Variants in ZFHX4 observed in about 807,000 individuals in gnomAD.
ZFHX4 encodes zinc finger homeobox 4.
ZFHX4 carries 56 observed loss-of-function variants against 267.6 expected under a neutral mutation model. The ratio of observed to expected loss-of-function variants is 0.21; its 90% CI spans 0.17 to 0.26. The LOEUF (loss-of-function observed/expected upper bound fraction) is 0.26. ZFHX4 is among the 10% of genes least tolerant of loss of function. ZFHX4 has a pLI of 1.00. For synonymous variants in ZFHX4, 1,778 were observed against 1,665.6 expected, an observed-to-expected ratio of 1.07 and a Z score of -1.64; for missense variants, 4,332 against 4,420.0, an observed-to-expected ratio of 0.98 and a Z score of 0.56.
At chr8:76,797,157 T>C (rs1318007347) in intron 4 of ZFHX4, among the ~76,000 whole-genome samples, 2 of 152,192 alleles carry the variant, frequency 1.3e-5, no homozygotes, top group Non-Finnish European at 2.9e-5. Flanking sequence ...TGGCTTGTTC[T>C]AGGAGTAGTA....
chr8:76,838,712 G>A (rs905884116), intron 5 of ZFHX4, among the ~76,000 whole-genome samples: 16 of 152,038 alleles, frequency 1.1e-4, no homozygotes, highest in Non-Finnish European at 1.6e-4. Context: ...AAATGCTTTC[G>A]TAGCAGACTT....
chr8:76,731,997 A>G (rs1017447092), intron 3 of ZFHX4, among the ~76,000 whole-genome samples: 3 of 151,662 alleles, frequency 2.0e-5, no homozygotes, highest in African/African-American at 7.3e-5. Flanking sequence ...GTGTGCCTCC[A>G]CACTCCGCTA....
intron 3 of ZFHX4, among the ~76,000 whole-genome samples, chr8:76,766,331 C>T (rs1810049811): frequency 6.6e-6 from 1 of 152,054 alleles, no homozygotes; most frequent in Non-Finnish European, 1.5e-5. Context: ...TAGGTGGTTG[C>T]TGAGAGCCTA....
chr8:76,851,031 C>A lies in ZFHX4; in HGVS notation c.4110C>A (p.Ile1370=). 6.2e-7 allele frequency: 1 copy of A among 1,613,906 alleles called. No individual in the cohort carries two copies. The highest frequency in any genetic ancestry group is 2.2e-5 in the East Asian group (1 of 44,856). The change falls in exon 10 of 11, where the codon ATC becomes ATA. Residue 1370 remains isoleucine, a synonymous_variant. Transcript: ENST00000651372. ...AAAATAGCAGTAAGGATGTGAAAAT[C>A]CCCGACACACTGCAAGATCAATTAA... ...WNKNSSKDVK[I]PDTLQDQLNE... is the part of the protein sequence containing the mutation.
At chr8:76,761,040 A>G (rs1207080864) in intron 3 of ZFHX4, among the ~76,000 whole-genome samples, 1 of 152,110 alleles carries the variant, frequency 6.6e-6, no homozygotes, top group African/African-American at 2.4e-5. Flanking sequence ...CCAGACAGCT[A>G]TAATGTGTGA....
intron 1 of ZFHX4, among the ~76,000 whole-genome samples, chr8:76,682,117 C>A (rs1434540002): frequency 2.6e-5 from 4 of 152,170 alleles, no homozygotes; most frequent in African/African-American, 9.7e-5. Context: ...TCTCCGCTCG[C>A]CCCGCGCCCC....
chr8:76,749,918 T>C (rs899361739), intron 3 of ZFHX4, among the ~76,000 whole-genome samples: 3 of 152,182 alleles, frequency 2.0e-5, no homozygotes, highest in African/African-American at 7.2e-5. Context: ...ATTCTTCCTC[T>C]ACAGAGTCAG....
At chr8:76,781,425 A>G (rs894259641) in intron 4 of ZFHX4, among the ~76,000 whole-genome samples, 1 of 152,072 alleles carries the variant, frequency 6.6e-6, no homozygotes, top group African/African-American at 2.4e-5. Context: ...TAAAATATGT[A>G]CTATAGGACT....
chr8:76,716,420 C>T (rs532113194), intron 3 of ZFHX4, among the ~76,000 whole-genome samples: 4 of 152,164 alleles, frequency 2.6e-5, no homozygotes, highest in Admixed American at 2.0e-4. Context: ...CAGCCATATG[C>T]TATTATTATA....
chr8:76,775,593 T>A (rs947937587), intron 3 of ZFHX4, among the ~76,000 whole-genome samples: 4 of 152,210 alleles, frequency 2.6e-5, no homozygotes, highest in Admixed American at 6.5e-5. Context: ...TTACCACTAG[T>A]GCCATGGCTC....
chr8:76,853,706 T>G lies in ZFHX4; in HGVS notation c.6785T>G (p.Val2262Gly), dbSNP rs761135135. The G allele has an allele frequency of 6.2e-7, 1 of 1,613,794 alleles. No homozygotes were observed. The highest frequency in any genetic ancestry group is 1.7e-5 in the Admixed American group (1 of 60,012). Residue 2262 changes from valine (V) to glycine (G), a missense_variant, in exon 10 of 11, where the codon GTT becomes GGT. Val to Gly is a moderately radical substitution (Grantham distance 109, BLOSUM62 -3). This residue lies in a region of ZFHX4 where 62 missense variants were observed against 69.8 expected (regional missense o/e 0.89). Coordinates refer to ENST00000651372, the MANE Select transcript of ZFHX4 (RefSeq NM_024721.5). Reference sequence around the variant, plus strand: ...GATGAAATAGAACAACTCTCCACTGTTCTCAATCTGCCTACCCGGGTTATT... The same window carrying G: ...GATGAAATAGAACAACTCTCCACTGGTCTCAATCTGCCTACCCGGGTTATT... ...KDDEIEQLSTVLNLPTRVIVV... is the reference protein window; with the variant it reads ...KDDEIEQLSTGLNLPTRVIVV...
chr8:76,808,868 G>A (rs904716582), intron 4 of ZFHX4, among the ~76,000 whole-genome samples: 3 of 151,696 alleles, frequency 2.0e-5, no homozygotes, highest in African/African-American at 4.8e-5. Flanking sequence ...ATGGTTAGAG[G>A]TCCAGGAATC....
chr8:76,803,946 G>A (rs1811182686), intron 4 of ZFHX4, among the ~76,000 whole-genome samples: 2 of 151,966 alleles, frequency 1.3e-5, no homozygotes, highest in African/African-American at 2.4e-5. Flanking sequence ...AAATACTCCT[G>A]CATTAACATT....
intron 3 of ZFHX4, among the ~76,000 whole-genome samples, chr8:76,735,929 A>T (rs1246943173): frequency 6.6e-6 from 1 of 151,978 alleles, no homozygotes; most frequent in Non-Finnish European, 1.5e-5. Context: ...TTAAATGGTG[A>T]CCCTTAATCT....
intron 3 of ZFHX4, among the ~76,000 whole-genome samples, chr8:76,752,747 G>T (rs111853368): frequency 0.033 from 4,995 of 152,074 alleles, 113 homozygotes; most frequent in Non-Finnish European, 0.046. Context: ...TATATATTTT[G>T]TCTTTTACTA....
intron 9 of ZFHX4, 129 bp downstream of exon 9, chr8:76,850,491 A>T: frequency 1.3e-6 from 1 of 791,136 alleles, no homozygotes; most frequent in Non-Finnish European, 2.0e-6. Flanking sequence ...GCCATTTCAA[A>T]GAGCCATATT....
intron 3 of ZFHX4, among the ~76,000 whole-genome samples, chr8:76,743,604 G>A (rs1422749397): frequency 1.3e-5 from 2 of 152,178 alleles, no homozygotes; most frequent in Admixed American, 1.3e-4. Flanking sequence ...TTAAGTCACA[G>A]CCTATTTTAA....
intron 1 of ZFHX4, among the ~76,000 whole-genome samples, chr8:76,685,826 G>A (rs1013713481): frequency 1.3e-5 from 2 of 152,182 alleles, no homozygotes; most frequent in Admixed American, 6.5e-5. Context: ...TGCATACATT[G>A]TTGTTATAGC....
At chr8:76,718,935 TCACACACA>T (rs34486060) in intron 3 of ZFHX4, among the ~76,000 whole-genome samples, 27 of 141,280 alleles carry the variant, frequency 1.9e-4, no homozygotes, top group African/African-American at 3.9e-4. Context: ...CTGAAATTGA[TCACACACA>T]CACACACACA....
Sources: gnomAD v4.1 joint callset for allele counts (sites outside exome capture counted in the v4.1 genomes callset) on GRCh38, gnomAD v4.1.1 for gene constraint, gnomAD v4.1.1 regional missense constraint, MANE v1.5 for transcripts, NCBI Gene and HGNC (gene_info 2026-07-23, HGNC 2026-07-21) for gene names.